The following KIF26B variants were observed in gnomAD, a reference collection of about 807,000 sequenced individuals.
KIF26B encodes the protein kinesin-like protein KIF26B.
Under a neutral mutation model 151.2 loss-of-function variants are expected in KIF26B, and 63 were observed. The observed-to-expected ratio is 0.42, with a 90% CI of 0.34 to 0.51. The LOEUF (loss-of-function observed/expected upper bound fraction) is 0.51. Ranked by LOEUF, KIF26B falls within the 20% of genes least tolerant of loss-of-function variation. The pLI, the probability that KIF26B is intolerant of heterozygous loss-of-function variation, is 0.07. For missense variants in KIF26B, 2,813 were observed against 2,913.6 expected (o/e 0.97, Z 0.79); for synonymous variants, 1,357 against 1,262.1 (o/e 1.08, Z -1.59).
chr1:245,425,873 A>T (rs1424163592), intron 4 of KIF26B, among the ~76,000 whole-genome samples: 1 of 152,164 alleles, frequency 6.6e-6, no homozygotes, highest in Non-Finnish European at 1.5e-5. Context: ...GAGCACAGAG[A>T]CTTCCAGTTC....
chr1:245,668,648 T>A (rs2044245810), intron 10 of KIF26B, among the ~76,000 whole-genome samples: 1 of 152,218 alleles, frequency 6.6e-6, no homozygotes, highest in East Asian at 1.9e-4. Flanking sequence ...TGGTGCATTT[T>A]GTGAGAACTG....
At chr1:245,344,412 G>C (rs1484460045) in intron 2 of KIF26B, among the ~76,000 whole-genome samples, 1 of 149,104 alleles carries the variant, frequency 6.7e-6, no homozygotes, top group African/African-American at 2.5e-5. Flanking sequence ...GGAGAGTGGC[G>C]TGAACCCGGA....
At chr1:245,277,616 T>G (rs2102966278) in intron 2 of KIF26B, among the ~76,000 whole-genome samples, 1 of 152,278 alleles carries the variant, frequency 6.6e-6, no homozygotes, top group South Asian at 2.1e-4. Flanking sequence ...AGGATTTTGT[T>G]TGAAAACAAA....
intron 4 of KIF26B, among the ~76,000 whole-genome samples, chr1:245,475,903 T>G (rs1331124908): frequency 6.6e-6 from 1 of 151,896 alleles, no homozygotes; most frequent in Non-Finnish European, 1.5e-5. Flanking sequence ...ATTCCATTCT[T>G]AGGGATATAC....
At chr1:245,449,418 A>G (rs1382942247) in intron 4 of KIF26B, among the ~76,000 whole-genome samples, 1 of 152,086 alleles carries the variant, frequency 6.6e-6, no homozygotes, top group African/African-American at 2.4e-5. Context: ...CTGGCCTGTG[A>G]ATTGCATTTG....
intron 4 of KIF26B, among the ~76,000 whole-genome samples, chr1:245,520,872 G>T (rs1661086843): frequency 6.6e-6 from 1 of 152,168 alleles, no homozygotes; most frequent in African/African-American, 2.4e-5. Context: ...CCTGTGGTCT[G>T]AATGTTTGTG....
chr1:245,686,900 A>T lies in KIF26B; in HGVS notation c.3917A>T (p.His1306Leu), dbSNP rs1227825676. Residue 1306 changes from histidine to leucine, a missense_variant, in exon 12 of 15, where the codon CAC becomes CTC. His to Leu is a moderately conservative substitution (Grantham distance 99, BLOSUM62 -3). Transcript: ENST00000407071. This position sits in a 1 kb window ranked among gnomAD's most constrained non-coding sequence, Gnocchi z 5.6. ...TTCATAGCCCAGACGTGTTTTGGGC[A>T]CGGGGAGGCAATGGCAGAACCTGTG... is the stretch of plus-strand genomic sequence containing the variant. Reference protein sequence around the residue: ...HSFIAQTCFGHGEAMAEPVAS... With the variant: ...HSFIAQTCFGLGEAMAEPVAS... The T allele has an allele frequency of 6.2e-7, 1 of 1,613,444 alleles. No homozygotes were observed. Among genetic ancestry groups the T allele is most frequent in the African/African-American group, 1.3e-5 (1 of 75,054 alleles).
At chr1:245,599,377 C>T (rs1259347400) in intron 5 of KIF26B, among the ~76,000 whole-genome samples, 1 of 152,236 alleles carries the variant, frequency 6.6e-6, no homozygotes, top group Non-Finnish European at 1.5e-5. Context: ...CTGTGTGTAT[C>T]TCTTTGGCCA....
rs1028118796 is a variant in KIF26B at position 245,688,441 on chromosome 1, G to C, written c.5458G>C (p.Gly1820Arg). The C allele has an allele frequency of 6.5e-6, 9 of 1,380,388 alleles. No individual in the cohort carries two copies. Among genetic ancestry groups the C allele is most frequent in the Non-Finnish European group, 8.4e-6 (9 of 1,075,668 alleles). 85.5% of individuals were successfully genotyped at this position (1,380,388 alleles called of 1,614,324 possible). A position where few individuals can be genotyped will look rare whatever the true frequency, so the allele number is the denominator to read the frequency against. The change falls in exon 12 of 15, where the codon GGC (glycine) becomes CGC (arginine). Residue 1820 changes from glycine to arginine, a missense_variant. Gly to Arg is a moderately radical substitution (Grantham distance 125). Around this residue, in one of 3 missense-constraint regions of KIF26B, gnomAD observed 2,060 missense variants for 2,088.6 expected, o/e 0.99. Coordinates refer to ENST00000407071, the MANE Select transcript of KIF26B (RefSeq NM_018012.4). The part of the protein sequence containing the change: ...ELLQGGAGAR[G>R]LQLRAGPEAE... The stretch of plus-strand genomic sequence containing the variant: ...GCTGCAGGGTGGCGCGGGCGCCCGG[G>C]GCTTGCAGCTGCGGGCCGGGCCCGA...
intron 12 of KIF26B, among the ~76,000 whole-genome samples, chr1:245,691,816 A>G (rs6679721): frequency 2.2e-3 from 341 of 152,324 alleles, no homozygotes; most frequent in African/African-American, 7.7e-3. Context: ...AAACGACCAA[A>G]TATCACCGTG....
chr1:245,549,786 T>TC (rs1279141371), intron 5 of KIF26B, among the ~76,000 whole-genome samples: 2 of 130,234 alleles, frequency 1.5e-5, no homozygotes, highest in African/African-American at 5.2e-5. Context: ...TCCGATACAT[T>TC]CTTTTTTTTT....
chr1:245,633,707 C>G (rs540966859), intron 9 of KIF26B, among the ~76,000 whole-genome samples: 1 of 151,924 alleles, frequency 6.6e-6, no homozygotes, highest in Non-Finnish European at 1.5e-5. Flanking sequence ...TAGCTTTCAG[C>G]AATATTTCAT....
chr1:245,234,220 A>G (rs1475606845), intron 2 of KIF26B, among the ~76,000 whole-genome samples: 1 of 152,118 alleles, frequency 6.6e-6, no homozygotes, highest in Non-Finnish European at 1.5e-5. Context: ...AGAAATTTCA[A>G]CACCGTAGCC....
chr1:245,562,790 C>G (rs1241612678), intron 5 of KIF26B, among the ~76,000 whole-genome samples: 1 of 152,102 alleles, frequency 6.6e-6, no homozygotes, highest in East Asian at 1.9e-4. Context: ...TTACTGCAGC[C>G]TCAAACTCCG....
Position 245,688,134 on chromosome 1 carries a change from GC to G in KIF26B, c.5157del (p.Ser1720AlafsTer16), listed in dbSNP as rs1385639497. 2 of 1,587,210 alleles carry G rather than the reference GC, an allele frequency of 1.3e-6. No homozygotes were observed. The highest frequency in any genetic ancestry group is 8.5e-7 in the Non-Finnish European group (1 of 1,172,854). ...RSLGRSAGTS[P>X]PSSGASPKAG... ...GCCTGGGCCGCAGCGCCGGGACCTC[GC>G]CCCCCAGCTCCGGGGCCTCGCCCAA... is the stretch of plus-strand genomic sequence containing the variant. On this transcript the variant is annotated frameshift_variant, in exon 12 of 15. Transcript: ENST00000407071. LOFTEE classifies it high-confidence loss of function.
intron 2 of KIF26B, among the ~76,000 whole-genome samples, chr1:245,329,891 C>T (rs1672065879): frequency 6.6e-6 from 1 of 152,216 alleles, no homozygotes. Flanking sequence ...CTGTTCACTG[C>T]AGCCTTGAAC....
intron 10 of KIF26B, among the ~76,000 whole-genome samples, chr1:245,649,149 A>G (rs1056958999): frequency 4.6e-5 from 7 of 152,222 alleles, no homozygotes; most frequent in East Asian, 1.9e-4. Flanking sequence ...CCCTTGCCGA[A>G]ATGTTTTCTC....
chr1:245,155,332 G>A lies in KIF26B; in HGVS notation c.-93G>A. On this transcript the variant is annotated 5_prime_UTR_variant, in exon 1 of 15. Coordinates refer to ENST00000407071, the MANE Select transcript of KIF26B (RefSeq NM_018012.4). ...ACCTTGCCCTGAGGGCTGAGAGCCA[G>A]CCCCCTGCAGCCGGGGGACGCTTCT... 1 of 1,051,064 alleles carries A rather than the reference G, an allele frequency of 9.5e-7. No individual in the cohort carries two copies. The highest frequency in any genetic ancestry group is 1.4e-6 in the Non-Finnish European group (1 of 695,098). The allele number at this position is 1,051,064 out of a possible 1,614,324, so 65.1% of individuals were successfully genotyped here. A position where few individuals can be genotyped will look rare whatever the true frequency, so the allele number is the denominator to read the frequency against.
At chr1:245,701,886 A>G (rs2044777230) in intron 14 of KIF26B, among the ~76,000 whole-genome samples, 1 of 152,050 alleles carries the variant, frequency 6.6e-6, no homozygotes, top group African/African-American at 2.4e-5. Context: ...CTGCCCGGCC[A>G]CCTCTGGACA....
Sources: allele counts gnomAD v4.1 joint callset (sites outside exome capture counted in the v4.1 genomes callset), GRCh38; gene constraint gnomAD v4.1.1; regional missense constraint gnomAD v4.1.1; non-coding constraint Gnocchi (gnomAD v3.1); transcripts MANE v1.5; gene names NCBI Gene and HGNC (gene_info 2026-07-23, HGNC 2026-07-21).